The following TIMP2 variants were observed in gnomAD, a reference collection of about 807,000 sequenced individuals.
TIMP2 encodes TIMP metallopeptidase inhibitor 2, also known as metalloproteinase inhibitor 2.
TIMP2 carries 5 observed loss-of-function variants against 24.3 expected under a neutral mutation model. That is an observed-to-expected ratio of 0.21 (90% CI 0.11 to 0.43). TIMP2 has a LOEUF of 0.43. Ranked by LOEUF, TIMP2 falls within the 20% of genes least tolerant of loss-of-function variation. The probability of loss-of-function intolerance (pLI) is 1.00; values close to 1 mark genes in which losing one functional copy is unlikely to be tolerated. For synonymous variants in TIMP2, 130 were observed against 123.2 expected, an observed-to-expected ratio of 1.06 and a Z score of -0.37; for missense variants, 221 against 297.5, an observed-to-expected ratio of 0.74 and a Z score of 1.89.
chr17:78,923,676 T>G (rs532853981), intron 1 of TIMP2, among the ~76,000 whole-genome samples: 1 of 57,092 alleles, frequency 1.8e-5, no homozygotes, highest in African/African-American at 4.2e-5. Context: ...AACTGGGTTT[T>G]GTGGAAACTG....
rs549088972 is a variant in TIMP2 at position 78,865,400 on chromosome 17, G to A, written c.340+5498C>T. 5.8e-4 allele frequency among the ~76,000 whole-genome samples: 88 copies of A among 152,120 alleles called. No individual in the cohort carries two copies. The East Asian group carries it at 0.016, about 27-fold the overall frequency. On this transcript the variant is annotated intron_variant, in intron 3 of 4. Coordinates refer to ENST00000262768, the MANE Select transcript of TIMP2 (RefSeq NM_003255.5). The stretch of plus-strand genomic sequence containing the variant: ...AGCACTTTGGGAGGCCGAGGTGGGC[G>A]GATCACCTGAGGTCAGGAGTTCGAG...
At chr17:78,890,731 G>GTCTCGGAT in intron 1 of TIMP2, 1 of 1,550,632 alleles carries the variant, frequency 6.4e-7, no homozygotes, top group South Asian at 1.2e-5. Context: ...GCTGCTGCTG[G>GTCTCGGAT]TCTCGGATCA....
At chr17:78,897,049 G>A (rs769176870) in intron 1 of TIMP2, 4 of 971,274 alleles carry the variant, frequency 4.1e-6, no homozygotes, top group Non-Finnish European at 4.9e-6. Flanking sequence ...CTCACCCAGG[G>A]ACCCTCCACC....
intron 1 of TIMP2, among the ~76,000 whole-genome samples, chr17:78,880,358 C>T (rs1339953157): frequency 6.6e-6 from 1 of 152,084 alleles, no homozygotes; most frequent in Admixed American, 6.6e-5. Context: ...CAAGCCATGC[C>T]CACAATTGGG....
chr17:78,867,110 A>C (rs1343214660), intron 3 of TIMP2, among the ~76,000 whole-genome samples: 4 of 152,002 alleles, frequency 2.6e-5, no homozygotes, highest in East Asian at 1.9e-4. Context: ...AAAATACAAA[A>C]ATTAGCCAGG....
At chr17:78,871,466 A>G (rs72849559) in intron 2 of TIMP2, among the ~76,000 whole-genome samples, 1,589 of 111,556 alleles carry the variant, frequency 0.014, 45 homozygotes, top group African/African-American at 0.049. Context: ...AAAAAAAAAA[A>G]AAAAGAAAAG....
chr17:78,898,269 G>A (rs1297313903), intron 1 of TIMP2: 1 of 152,264 alleles, frequency 6.6e-6, no homozygotes, highest in African/African-American at 2.4e-5. Flanking sequence ...TTGAGACTCA[G>A]AGAGGTTAAG....
At chr17:78,888,483 C>T (rs574628988) in intron 1 of TIMP2, among the ~76,000 whole-genome samples, 1 of 152,262 alleles carries the variant, frequency 6.6e-6, no homozygotes, top group South Asian at 2.1e-4. Context: ...GAGACAGGGT[C>T]TCGCTCTGTC....
At chr17:78,912,975 C>A (rs143716008) in intron 1 of TIMP2, among the ~76,000 whole-genome samples, 1 of 151,812 alleles carries the variant, frequency 6.6e-6, no homozygotes, top group East Asian at 2.0e-4. Context: ...GAGGCCGAGG[C>A]GGGCAGATCA....
chr17:78,873,811 A>G lies in TIMP2; in HGVS notation c.231+8T>C, dbSNP rs149597224. On this transcript the variant is annotated splice_region_variant and intron_variant, in intron 2 of 4. Coordinates refer to ENST00000262768, the MANE Select transcript of TIMP2 (RefSeq NM_003255.5). ...AGTGCAGCCCGGGATGCCGGCAGCC[A>G]CTATTACCTTTATCTGCTTGATCTC... The G allele has an allele frequency of 6.7e-4, 1,085 of 1,610,330 alleles. 5 individuals carry two copies. In the African/African-American group the frequency reaches 0.013, roughly 19 times the overall value.
At chr17:78,898,722 T>G (rs1443580578) in intron 1 of TIMP2, 1 of 152,416 alleles carries the variant, frequency 6.6e-6, no homozygotes, top group African/African-American at 2.4e-5. Context: ...GGCCCAAGAC[T>G]CTGCATTTCT....
chr17:78,867,682 G>A (rs1034926914), intron 3 of TIMP2, among the ~76,000 whole-genome samples: 5 of 144,642 alleles, frequency 3.5e-5, no homozygotes, highest in Admixed American at 7.2e-5. Flanking sequence ...TACAAGTTCC[G>A]CCTCCCGGGT....
intron 1 of TIMP2, among the ~76,000 whole-genome samples, chr17:78,886,120 C>T (rs567038917): frequency 7.9e-5 from 12 of 152,238 alleles, no homozygotes; most frequent in Admixed American, 1.3e-4. Flanking sequence ...GGGAAAGGGC[C>T]GGGTGTCTGG....
At chr17:78,862,673 C>T (rs879295912) in intron 3 of TIMP2, among the ~76,000 whole-genome samples, 5 of 152,372 alleles carry the variant, frequency 3.3e-5, no homozygotes, top group Admixed American at 6.5e-5. Context: ...GGGCATAGCG[C>T]CCAATAGGTA....
rs992255685 is a variant in TIMP2 at position 78,871,744 on chromosome 17, G to C, written c.232-738C>G. Among the ~76,000 whole-genome samples, 66 of 151,834 alleles carry C rather than the reference G, an allele frequency of 4.3e-4. 1 individual carries two copies. Among genetic ancestry groups the C allele is most frequent in the African/African-American group, 1.6e-3 (65 of 41,374 alleles). On this transcript the variant is annotated intron_variant, in intron 2 of 4. Transcript: ENST00000262768. ...GCCTGTAGTCCCAGCTACTCGGGAG[G>C]CTGAGGCAGGAGAATGGCGTGAACC...
Position 78,892,214 on chromosome 17 carries a change from G to T in TIMP2, c.131-18295C>A, listed in dbSNP as rs541240826. ...GTAGTTTTTCCACAGCTTGGCATCC[G>T]CTCTTCTCTGCAGAGCGAGATCGCC... On this transcript the variant is annotated intron_variant, in intron 1 of 4. Transcript: ENST00000262768. 11 of 1,550,978 alleles carry T rather than the reference G, an allele frequency of 7.1e-6. No individual in the cohort carries two copies. In the South Asian group the frequency reaches 1.3e-4, roughly 18 times the overall value.
In TIMP2 at chr17:78,868,867, C is replaced by T. The variant is rs376608678; in HGVS notation, c.340+2031G>A. On this transcript the variant is annotated intron_variant, in intron 3 of 4. Transcript: ENST00000262768. ...GGTTCTCAAGCAGGGGCAATCTACC[C>T]CACCTCCCCTGGGCACATGTGGCAA... is the stretch of plus-strand genomic sequence containing the variant. Among the ~76,000 whole-genome samples the T allele has an allele frequency of 1.1e-4, 16 of 152,234 alleles. 3 individuals carry two copies. Among genetic ancestry groups the T allele is most frequent in the East Asian group, 1.9e-4 (1 of 5,170 alleles).
At chr17:78,860,010 A>T (rs962959996) in intron 3 of TIMP2, among the ~76,000 whole-genome samples, 3 of 151,428 alleles carry the variant, frequency 2.0e-5, no homozygotes, top group South Asian at 2.1e-4. Context: ...TACATAAAAT[A>T]AAAAAAATAC....
At chr17:78,909,697 T>C (rs2070190978) in intron 1 of TIMP2, among the ~76,000 whole-genome samples, 1 of 152,114 alleles carries the variant, frequency 6.6e-6, no homozygotes, top group South Asian at 2.1e-4. Context: ...TCGGGTCTCA[T>C]CGGGTTTCTG....
Sources: gnomAD v4.1 joint callset for allele counts (sites outside exome capture counted in the v4.1 genomes callset) on GRCh38, gnomAD v4.1.1 for gene constraint, MANE v1.5 for transcripts, NCBI Gene and HGNC (gene_info 2026-07-23, HGNC 2026-07-21) for gene names.